Variants in CDC123 observed in about 807,000 individuals in gnomAD.
CDC123 encodes the protein cell division cycle 123, also known as translation initiation factor eIF2 assembly protein.
In CDC123, 37 loss-of-function variants were observed where a neutral mutation model predicts 54.4. The observed-to-expected ratio is 0.68, with a 90% CI of 0.52 to 0.89. The LOEUF (loss-of-function observed/expected upper bound fraction) is 0.89. CDC123 is among the 40% of genes least tolerant of loss of function. CDC123 has a pLI of 0.00. For synonymous variants in CDC123, 144 were observed against 136.8 expected, an observed-to-expected ratio of 1.05 and a Z score of -0.37; for missense variants, 361 against 412.1, an observed-to-expected ratio of 0.88 and a Z score of 1.07.
rs1237932440 is a variant in CDC123, at chr10:12,221,742, T to TAAATTTATTTTTTAAATAAATTTTATTA, written c.440+4286_440+4313dup. ...ATTTATTTATTAAAATTTCATTTAT[T>TAAATTTATTTTTTAAATAAATTTTATTA]AAATTTATTTTTTAAATAAATTTTA... On this transcript the variant is annotated intron_variant, in intron 6 of 12. Coordinates refer to ENST00000281141, the MANE Select transcript of CDC123 (RefSeq NM_006023.3). Among the ~76,000 whole-genome samples the TAAATTTATTTTTTAAATAAATTTTATTA allele has an allele frequency of 6.5e-3, 982 of 150,406 alleles. 16 individuals are homozygous for TAAATTTATTTTTTAAATAAATTTTATTA. The highest frequency in any genetic ancestry group is 0.022 in the African/African-American group (901 of 40,898).
intron 1 of CDC123, among the ~76,000 whole-genome samples, chr10:12,198,015 C>G (rs1303492219): frequency 6.6e-6 from 1 of 152,146 alleles, no homozygotes; most frequent in Non-Finnish European, 1.5e-5. Context: ...AATACCAGCA[C>G]TCTTAGGGAT....
At chr10:12,200,335 C>A (rs943636212) in intron 2 of CDC123, among the ~76,000 whole-genome samples, 1 of 150,912 alleles carries the variant, frequency 6.6e-6, no homozygotes, top group Non-Finnish European at 1.5e-5. Context: ...CCATGTTGGC[C>A]GGGCTGTCTT....
intron 6 of CDC123, among the ~76,000 whole-genome samples, chr10:12,223,583 G>C (rs544242080): frequency 6.6e-6 from 1 of 152,100 alleles, no homozygotes; most frequent in African/African-American, 2.4e-5. Flanking sequence ...ACTACACCGG[G>C]CCTAATTATA....
intron 2 of CDC123, among the ~76,000 whole-genome samples, chr10:12,202,993 C>T (rs1438193524): frequency 2.0e-5 from 3 of 152,144 alleles, no homozygotes; most frequent in African/African-American, 4.8e-5. Flanking sequence ...CCAGCCTGGG[C>T]GACAGAGCGA....
chr10:12,236,869 C>T (rs1399186771), intron 8 of CDC123, among the ~76,000 whole-genome samples: 1 of 150,702 alleles, frequency 6.6e-6, no homozygotes, highest in Non-Finnish European at 1.5e-5. Context: ...CCAGCCTGGG[C>T]AATAGAGTGA....
In CDC123 at chr10:12,219,930, C is replaced by T. The variant is rs375500092; in HGVS notation, c.440+2463C>T. ...GTCTCCATCTCCTCACCTCGTGATC[C>T]GCCTGCCTAGGCCTCCCAAAGTGCT... On this transcript the variant is annotated intron_variant, in intron 6 of 12. Transcript: ENST00000281141. Among the ~76,000 whole-genome samples the T allele has an allele frequency of 9.9e-5, 15 of 152,224 alleles. No individual in the cohort carries two copies. The East Asian group carries it at 1.9e-3, about 20-fold the overall frequency.
chr10:12,213,139 T>A (rs1420097799), intron 4 of CDC123, among the ~76,000 whole-genome samples: 2 of 152,226 alleles, frequency 1.3e-5, no homozygotes, highest in African/African-American at 2.4e-5. Flanking sequence ...AGTGGGTGAA[T>A]ATACAGTGAG....
chr10:12,240,611 C>T lies in CDC123; in HGVS notation c.717+2126C>T, dbSNP rs1035472942. On this transcript the variant is annotated intron_variant, in intron 10 of 12. Coordinates refer to ENST00000281141, the MANE Select transcript of CDC123 (RefSeq NM_006023.3). Reference sequence around the variant, plus strand: ...GGCTTTAGGCCATTGTTGTGGCTCACGCCTGTATTTTCAGCATTTTGGGAG... The same window carrying T: ...GGCTTTAGGCCATTGTTGTGGCTCATGCCTGTATTTTCAGCATTTTGGGAG... Among the ~76,000 whole-genome samples the T allele has an allele frequency of 6.6e-5, 10 of 152,162 alleles. No individual in the cohort carries two copies. The East Asian group carries it at 7.7e-4, about 12-fold the overall frequency.
At chr10:12,223,828 C>T (rs1001255811) in intron 6 of CDC123, among the ~76,000 whole-genome samples, 2 of 152,042 alleles carry the variant, frequency 1.3e-5, no homozygotes, top group Non-Finnish European at 2.9e-5. Context: ...GTGTAATTAT[C>T]TGTCATTGAC....
chr10:12,217,813 G>A (rs1378780964), intron 6 of CDC123, among the ~76,000 whole-genome samples: 2 of 152,186 alleles, frequency 1.3e-5, no homozygotes, highest in Admixed American at 6.5e-5. Context: ...ATGGCCGGGC[G>A]CGGTGGCTCA....
At chr10:12,215,355 T>A (rs1431037309) in intron 4 of CDC123, among the ~76,000 whole-genome samples, 2 of 152,212 alleles carry the variant, frequency 1.3e-5, no homozygotes, top group Non-Finnish European at 2.9e-5. Context: ...CAAGTAGGGA[T>A]GTTATTTCTG....
intron 6 of CDC123, among the ~76,000 whole-genome samples, chr10:12,217,971 C>G (rs971655025): frequency 6.6e-6 from 1 of 152,116 alleles, no homozygotes; most frequent in East Asian, 1.9e-4. Context: ...TGCCTATAGT[C>G]TCAGCTACTC....
Position 12,237,205 on chromosome 10 carries a change from T to G in CDC123, c.627T>G (p.Ile209Met), listed in dbSNP as rs199685440. The G allele has an allele frequency of 1.3e-6, 2 of 1,591,844 alleles. No individual in the cohort carries two copies. The highest frequency in any genetic ancestry group is 4.6e-5 in the East Asian group (2 of 43,640). Reference protein sequence around the residue: ...YDHISKQKEEIRRCIQDFFKK... With the variant: ...YDHISKQKEEMRRCIQDFFKK... ...ATATTTCTAAACAAAAGGAAGAAAT[T>G]CGCAGATGCATACAAGACTTTTTCA... is the stretch of plus-strand genomic sequence containing the variant. The change falls in exon 9 of 13, where the codon ATT (isoleucine) becomes ATG (methionine). Residue 209 changes from isoleucine to methionine, a missense_variant. Coordinates refer to ENST00000281141, the MANE Select transcript of CDC123 (RefSeq NM_006023.3).
At chr10:12,223,449 A>T (rs1166949827) in intron 6 of CDC123, among the ~76,000 whole-genome samples, 1 of 151,784 alleles carries the variant, frequency 6.6e-6, no homozygotes. Flanking sequence ...CCACGCCTGG[A>T]TAATTTTTGT....
chr10:12,196,446 G>A, intron 1 of CDC123, 127 bp downstream of exon 1: 1 of 1,245,242 alleles, frequency 8.0e-7, no homozygotes. Flanking sequence ...TGTCGAGAGG[G>A]AAGTACATCA....
At chr10:12,237,712 A>G (rs760185261) in intron 9 of CDC123, among the ~76,000 whole-genome samples, 15 of 152,116 alleles carry the variant, frequency 9.9e-5, no homozygotes, top group Non-Finnish European at 2.2e-4. Context: ...GGGATTACAG[A>G]TGTGAGCCAC....
intron 2 of CDC123, among the ~76,000 whole-genome samples, chr10:12,202,537 G>T (rs1835453199): frequency 6.6e-6 from 1 of 152,140 alleles, no homozygotes; most frequent in South Asian, 2.1e-4. Flanking sequence ...AGATCCCACA[G>T]GTTGAGGCTC....
At chr10:12,227,615 A>G (rs958739670) in intron 6 of CDC123, among the ~76,000 whole-genome samples, 1 of 151,782 alleles carries the variant, frequency 6.6e-6, no homozygotes, top group African/African-American at 2.4e-5. Context: ...CTCGTGCCTC[A>G]GCCTCCCAAG....
At chr10:12,228,038 T>C in intron 6 of CDC123, among the ~76,000 whole-genome samples, 1 of 152,064 alleles carries the variant, frequency 6.6e-6, no homozygotes, top group Non-Finnish European at 1.5e-5. Context: ...GGAGCTCAAG[T>C]GATCTTCCCG....
Sources: gnomAD v4.1 joint callset for allele counts (sites outside exome capture counted in the v4.1 genomes callset) on GRCh38, gnomAD v4.1.1 for gene constraint, MANE v1.5 for transcripts, NCBI Gene and HGNC (gene_info 2026-07-23, HGNC 2026-07-21) for gene names.